ZC2HC1B: variants seen among roughly 807,000 people sequenced by gnomAD.
ZC2HC1B encodes zinc finger C2HC domain-containing protein 1B.
A neutral mutation model predicts 31.0 loss-of-function variants in ZC2HC1B; 36 were observed. The observed-to-expected ratio is 1.16, with a 90% confidence interval of 0.89 to 1.54. The LOEUF is 1.54. Ranked by LOEUF, ZC2HC1B falls within the 40% of genes most tolerant of loss-of-function variation. The pLI, the probability that ZC2HC1B is intolerant of heterozygous loss-of-function variation, is 0.00. For synonymous variants in ZC2HC1B, 73 were observed against 88.0 expected (o/e 0.83, Z 0.95); for missense variants, 260 against 268.6 (o/e 0.97, Z 0.22).
At chr6:143,929,516 T>A (rs148846489) in intron 6 of ZC2HC1B, among the ~76,000 whole-genome samples, 8 of 152,346 alleles carry the variant, frequency 5.3e-5, no homozygotes, top group Non-Finnish European at 7.4e-5. Context: ...CCTATGTTCA[T>A]GAAAGGTATT....
At position 143,934,675 on chromosome 6, in the gene ZC2HC1B, A is replaced by G. The variant is rs1260762889; in HGVS notation, c.599-2974A>G. Among the ~76,000 whole-genome samples the G allele has an allele frequency of 2.0e-5, 3 of 152,234 alleles. No individual in the cohort carries two copies. The highest frequency in any genetic ancestry group is 7.2e-5 in the African/African-American group (3 of 41,450). On this transcript the variant is annotated intron_variant, in intron 6 of 7. Coordinates refer to ENST00000237275, the MANE Select transcript of ZC2HC1B (RefSeq NM_001013623.3). This position sits in a 1 kb window ranked among gnomAD's most constrained non-coding sequence, Gnocchi z 4.6. Reference sequence around the variant, plus strand: ...CTTTAGCTTTGATACTGGAGCATACAGTAATTGCGTGTCCATGATTTTTTG... The same window carrying G: ...CTTTAGCTTTGATACTGGAGCATACGGTAATTGCGTGTCCATGATTTTTTG...
chr6:143,873,889 G>C (rs1777375577), intron 1 of ZC2HC1B, among the ~76,000 whole-genome samples: 1 of 152,142 alleles, frequency 6.6e-6, no homozygotes, highest in South Asian at 2.1e-4. Context: ...TTTTTTCCAT[G>C]GTCTTGGGGA....
In ZC2HC1B at chr6:143,934,212, T is replaced by G. The variant is rs1778152629; in HGVS notation, c.599-3437T>G. 6.6e-6 allele frequency among the ~76,000 whole-genome samples: 1 copy of G among 152,250 alleles called. No individual in the cohort carries two copies. Among genetic ancestry groups the G allele is most frequent in the Non-Finnish European group, 1.5e-5 (1 of 68,048 alleles). ...GGAACTTACGAATTTTCACCTGTCT[T>G]GCAGAATTTGCAATAGCCTGCCACT... On this transcript the variant is annotated intron_variant, in intron 6 of 7. Coordinates refer to ENST00000237275, the MANE Select transcript of ZC2HC1B (RefSeq NM_001013623.3). This position sits in a 1 kb window ranked among gnomAD's most constrained non-coding sequence, Gnocchi z 4.6.
At chr6:143,867,447 C>T (rs1008861577) in intron 1 of ZC2HC1B, among the ~76,000 whole-genome samples, 1 of 152,166 alleles carries the variant, frequency 6.6e-6, no homozygotes, top group Non-Finnish European at 1.5e-5. Flanking sequence ...TGTCAGTGAG[C>T]AAGGTGATGA....
In ZC2HC1B at chr6:143,913,353, T is replaced by C. The variant is rs1582969853; in HGVS notation, c.598+10201T>C. ...GAGTCCACAGGCTGGAATAGCTGAA[T>C]TGACCAAACAGCAGAGGTGTTGCCC... On this transcript the variant is annotated intron_variant, in intron 6 of 7. Coordinates refer to ENST00000237275, the MANE Select transcript of ZC2HC1B (RefSeq NM_001013623.3). The surrounding 1 kb of genome is among the most constrained non-coding windows in gnomAD (Gnocchi z 5.7). Among the ~76,000 whole-genome samples, 1 of 152,348 alleles carries C rather than the reference T, an allele frequency of 6.6e-6. No homozygotes were observed. The highest frequency in any genetic ancestry group is 2.4e-5 in the African/African-American group (1 of 41,576).
intron 4 of ZC2HC1B, among the ~76,000 whole-genome samples, chr6:143,896,450 G>A (rs985297702): frequency 2.0e-5 from 3 of 152,206 alleles, no homozygotes; most frequent in African/African-American, 7.2e-5. Context: ...TAAAAGCCAT[G>A]TTCTAGATGG....
intron 6 of ZC2HC1B, among the ~76,000 whole-genome samples, chr6:143,919,808 G>T (rs1777967384): frequency 6.6e-6 from 1 of 152,162 alleles, no homozygotes; most frequent in African/African-American, 2.4e-5. Context: ...CCTGGAAGTT[G>T]CAAGTCTTCA....
intron 4 of ZC2HC1B, among the ~76,000 whole-genome samples, chr6:143,897,132 T>C (rs1011491489): frequency 3.9e-5 from 6 of 152,002 alleles, no homozygotes; most frequent in Non-Finnish European, 8.8e-5. Context: ...CTCCCCAAAC[T>C]GCTTAAAAAG....
In ZC2HC1B at chr6:143,884,908, A is replaced by G. The variant is rs1003027864; in HGVS notation, c.90+543A>G. 1.3e-5 allele frequency among the ~76,000 whole-genome samples: 2 copies of G among 152,232 alleles called. No individual in the cohort carries two copies. The highest frequency in any genetic ancestry group is 2.9e-5 in the Non-Finnish European group (2 of 68,046). On this transcript the variant is annotated intron_variant, in intron 2 of 7. Coordinates refer to ENST00000237275, the MANE Select transcript of ZC2HC1B (RefSeq NM_001013623.3). This position sits in a 1 kb window ranked among gnomAD's most constrained non-coding sequence, Gnocchi z 5.1. ...CTGTTCCAAGATCTAATTGTTGTAC[A>G]GATTCAAGCTAACGGCATGTCAAGT...
chr6:143,894,055 A>G (rs1777632833), intron 4 of ZC2HC1B, among the ~76,000 whole-genome samples: 1 of 152,226 alleles, frequency 6.6e-6, no homozygotes, highest in South Asian at 2.1e-4. Context: ...CTTGATATTT[A>G]TACAAAAAAT....
rs371419948 is a variant in ZC2HC1B at position 143,864,678 on chromosome 6, G to A, written c.28+111G>A. 854 of 1,180,946 alleles carry A rather than the reference G, an allele frequency of 7.2e-4. 10 individuals are homozygous for A. The South Asian group carries it at 0.01, about 14-fold the overall frequency. The allele number at this position is 1,180,946 out of a possible 1,614,324, so 73.2% of individuals were successfully genotyped here. A position where few individuals can be genotyped will look rare whatever the true frequency, so the allele number is the denominator to read the frequency against. ...TAGCTTGTTCTACCATGTGTGATCC[G>A]TTTAAATCTAAGTATTGTAGGATTT... On this transcript the variant is annotated intron_variant, in intron 1 of 7. Transcript: ENST00000237275.
intron 6 of ZC2HC1B, among the ~76,000 whole-genome samples, chr6:143,932,064 A>C (rs1778127723): frequency 6.6e-6 from 1 of 151,918 alleles, no homozygotes; most frequent in South Asian, 2.1e-4. Flanking sequence ...TAGTAGAAAC[A>C]GTGTTTCACC....
chr6:143,900,241 C>A (rs567560598), intron 5 of ZC2HC1B, among the ~76,000 whole-genome samples: 28 of 151,812 alleles, frequency 1.8e-4, no homozygotes, highest in Non-Finnish European at 4.0e-4. Context: ...AATACAAAAT[C>A]AGCCGTGTGT....
At position 143,886,542 on chromosome 6, in the gene ZC2HC1B, G is replaced by A. The variant is rs1777531611; in HGVS notation, c.211-141G>A. On this transcript the variant is annotated intron_variant, in intron 3 of 7. Coordinates refer to ENST00000237275, the MANE Select transcript of ZC2HC1B (RefSeq NM_001013623.3). This position sits in a 1 kb window ranked among gnomAD's most constrained non-coding sequence, Gnocchi z 4.2. Reference sequence around the variant, plus strand: ...ACTGTACTTTCCAAACCTCTTTAAGGAGTACTTTTGAAAAACAAACTCTCC... The same window carrying A: ...ACTGTACTTTCCAAACCTCTTTAAGAAGTACTTTTGAAAAACAAACTCTCC... The A allele has an allele frequency of 2.3e-5, 19 of 811,438 alleles. No homozygotes were observed. The East Asian group carries it at 6.2e-4, about 26-fold the overall frequency. The allele number at this position is 811,438 out of a possible 1,614,324, so 50.3% of individuals were successfully genotyped here. A position where few individuals can be genotyped will look rare whatever the true frequency, so the allele number is the denominator to read the frequency against.
At chr6:143,874,066 C>T (rs938282920) in intron 1 of ZC2HC1B, among the ~76,000 whole-genome samples, 3 of 152,202 alleles carry the variant, frequency 2.0e-5, no homozygotes, top group African/African-American at 4.8e-5. Context: ...ACCCAAGTCA[C>T]CTTTTGATGC....
intron 1 of ZC2HC1B, among the ~76,000 whole-genome samples, chr6:143,875,047 G>T (rs1310789297): frequency 1.3e-5 from 2 of 152,064 alleles, no homozygotes; most frequent in South Asian, 2.1e-4. Flanking sequence ...TGGCCAGGGT[G>T]GTCTCGAACT....
Position 143,921,906 on chromosome 6 carries a change from C to T in ZC2HC1B, c.599-15743C>T, listed in dbSNP as rs1231785167. Reference sequence around the variant, plus strand: ...GAGCTATGATCGTGCCACTGCACACCAGTCTGGGTGACAAAGTAAGTCCTT... The same window carrying T: ...GAGCTATGATCGTGCCACTGCACACTAGTCTGGGTGACAAAGTAAGTCCTT... On this transcript the variant is annotated intron_variant, in intron 6 of 7. Transcript: ENST00000237275. This position sits in a 1 kb window ranked among gnomAD's most constrained non-coding sequence, Gnocchi z 6.1. Among the ~76,000 whole-genome samples, 1 of 152,138 alleles carries T rather than the reference C, an allele frequency of 6.6e-6. No individual in the cohort carries two copies. Among genetic ancestry groups the T allele is most frequent in the Non-Finnish European group, 1.5e-5 (1 of 68,028 alleles).
rs1777498340 is a variant in ZC2HC1B at position 143,883,737 on chromosome 6, G to T, written c.29-567G>T. Among the ~76,000 whole-genome samples, 1 of 152,066 alleles carries T rather than the reference G, an allele frequency of 6.6e-6. No individual in the cohort carries two copies. The highest frequency in any genetic ancestry group is 2.4e-5 in the African/African-American group (1 of 41,404). Reference sequence around the variant, plus strand: ...TTTTTTCTGTGCTGGTCCCATGTATGATTTCTCCCAATATTTCCACAGAAT... The same window carrying T: ...TTTTTTCTGTGCTGGTCCCATGTATTATTTCTCCCAATATTTCCACAGAAT... On this transcript the variant is annotated intron_variant, in intron 1 of 7. Coordinates refer to ENST00000237275, the MANE Select transcript of ZC2HC1B (RefSeq NM_001013623.3). The surrounding 1 kb of genome is among the most constrained non-coding windows in gnomAD (Gnocchi z 4.1).
chr6:143,880,613 G>A (rs1777455656), intron 1 of ZC2HC1B, among the ~76,000 whole-genome samples: 1 of 152,140 alleles, frequency 6.6e-6, no homozygotes, highest in Non-Finnish European at 1.5e-5. Context: ...CAGAGGCCAA[G>A]TAGCATAATT....
Sources: allele counts gnomAD v4.1 joint callset (sites outside exome capture counted in the v4.1 genomes callset), GRCh38; gene constraint gnomAD v4.1.1; non-coding constraint Gnocchi (gnomAD v3.1); transcripts MANE v1.5; gene names NCBI Gene and HGNC (gene_info 2026-07-23, HGNC 2026-07-21).